Variants in PCNX1 observed in about 807,000 individuals in gnomAD.
PCNX1 encodes pecanex-like protein 1.
PCNX1 carries 78 observed loss-of-function variants against 242.2 expected under a neutral mutation model. The ratio of observed to expected loss-of-function variants is 0.32; its 90% CI spans 0.27 to 0.39. The LOEUF is 0.39. Ranked by LOEUF, PCNX1 falls within the 10% of genes least tolerant of loss-of-function variation. The pLI, the probability that PCNX1 is intolerant of heterozygous loss-of-function variation, is 1.00. For missense variants in PCNX1, 2,581 were observed against 2,856.5 expected (o/e 0.90, Z 2.20); for synonymous variants, 1,024 against 1,032.9 (o/e 0.99, Z 0.17).
chr14:71,016,564 AAATT>A (rs1454187747), intron 11 of PCNX1, among the ~76,000 whole-genome samples: 1 of 152,220 alleles, frequency 6.6e-6, no homozygotes, highest in Non-Finnish European at 1.5e-5. Flanking sequence ...ATTAAATGGT[AAATT>A]AATAACAAAT....
In PCNX1 at chr14:71,022,438, C is replaced by T. The variant is rs543283691; in HGVS notation, c.3151-762C>T. ...AACAGAAGCATTTAGAAGATAGGCG[C>T]TGTGGTTAAAAGAGTTTAAAGATTA... On this transcript the variant is annotated intron_variant, in intron 12 of 35. Transcript: ENST00000304743. Among the ~76,000 whole-genome samples the T allele has an allele frequency of 1.8e-4, 28 of 152,220 alleles. No homozygotes were observed. In the South Asian group the frequency reaches 5.4e-3, roughly 29 times the overall value.
chr14:71,037,492 G>A (rs1184733431), intron 19 of PCNX1, among the ~76,000 whole-genome samples: 1 of 150,570 alleles, frequency 6.6e-6, no homozygotes, highest in African/African-American at 2.5e-5. Context: ...AGAGATTTTA[G>A]CATGAAGGGT....
intron 16 of PCNX1, chr14:71,031,930 C>T (rs763059891): frequency 2.1e-5 from 30 of 1,423,514 alleles, no homozygotes; most frequent in Non-Finnish European, 2.9e-5. Context: ...GTACCACAGG[C>T]GGAACTCCCC....
chr14:71,060,811 T>C (rs2061308294), intron 26 of PCNX1: 2 of 152,230 alleles, frequency 1.3e-5, no homozygotes. Context: ...AAGCATATTA[T>C]ACCTCTCAGC....
At chr14:71,087,240 T>G (rs995760852) in intron 28 of PCNX1, among the ~76,000 whole-genome samples, 1 of 152,078 alleles carries the variant, frequency 6.6e-6, no homozygotes. Flanking sequence ...TGGACCCAAA[T>G]TTTTTTTCAA....
At chr14:71,097,334 A>G (rs2062318306) in intron 30 of PCNX1, among the ~76,000 whole-genome samples, 1 of 152,184 alleles carries the variant, frequency 6.6e-6, no homozygotes, top group Admixed American at 6.5e-5. Flanking sequence ...ATACCTAGTA[A>G]TGGGATTGGT....
intron 18 of PCNX1, among the ~76,000 whole-genome samples, chr14:71,034,491 G>A (rs2060475713): frequency 6.6e-6 from 1 of 152,192 alleles, no homozygotes; most frequent in South Asian, 2.1e-4. Context: ...ATTCTAGGCT[G>A]AAGGAGAGAA....
At chr14:71,046,697 T>G (rs918832139) in intron 20 of PCNX1, among the ~76,000 whole-genome samples, 4 of 152,072 alleles carry the variant, frequency 2.6e-5, no homozygotes, top group Non-Finnish European at 5.9e-5. Flanking sequence ...CAATAAGTTA[T>G]AAGCATAAAT....
At chr14:71,030,005 A>T (rs1051866473) in intron 16 of PCNX1, among the ~76,000 whole-genome samples, 1 of 152,206 alleles carries the variant, frequency 6.6e-6, no homozygotes. Context: ...TTTTGTGGAC[A>T]TGTGTATTCA....
At chr14:70,934,213 AATAGCTTGAACCTATTACTCCTGG>A (rs1336038927) in intron 1 of PCNX1, among the ~76,000 whole-genome samples, 1 of 152,200 alleles carries the variant, frequency 6.6e-6, no homozygotes, top group Non-Finnish European at 1.5e-5. Context: ...TGGCATCTTG[AATAGCTTGAACCTATTACTCCTGG>A]ATGAAATTGC....
intron 25 of PCNX1, among the ~76,000 whole-genome samples, chr14:71,056,307 T>C (rs754687653): frequency 6.6e-6 from 1 of 152,230 alleles, no homozygotes; most frequent in Non-Finnish European, 1.5e-5. Context: ...CTAATGACCA[T>C]CGTCATCATG....
chr14:71,089,156 T>C, intron 29 of PCNX1, 36 bp from the exon 30 acceptor site: 1 of 1,540,700 alleles, frequency 6.5e-7, no homozygotes, highest in Non-Finnish European at 8.9e-7. Flanking sequence ...AAGACCTTTG[T>C]CAAAACATGT....
chr14:71,109,189 T>C, intron 34 of PCNX1, 143 bp downstream of exon 34: 1 of 889,772 alleles, frequency 1.1e-6, no homozygotes, highest in Non-Finnish European at 1.7e-6. Context: ...GGGAAAAATT[T>C]CTTCAAACTT....
chr14:70,956,820 C>T (rs1314816323), intron 2 of PCNX1, among the ~76,000 whole-genome samples: 3 of 152,016 alleles, frequency 2.0e-5, no homozygotes, highest in Admixed American at 2.0e-4. Flanking sequence ...AGACGTTAGG[C>T]AAGTTTTTTT....
In PCNX1 at chr14:71,102,009, A is replaced by G; in HGVS notation, c.5609A>G (p.Asp1870Gly). 6.3e-7 allele frequency: 1 copy of G among 1,594,178 alleles called. No homozygotes were observed. Among genetic ancestry groups the G allele is most frequent in the Non-Finnish European group, 8.6e-7 (1 of 1,167,176 alleles). The change falls in exon 31 of 36, where the codon GAT (aspartate) becomes GGT (glycine). Residue 1870 changes from aspartate (D) to glycine (G), a missense_variant. Physicochemically the swap from Asp to Gly is moderately conservative, Grantham distance 94. Coordinates refer to ENST00000304743, the MANE Select transcript of PCNX1 (RefSeq NM_014982.3). ...ATTTAGGATCATTTTACTTCTCCAG[A>G]TGAATATGATGACCCTACTGTGCTC... ...KLHQDHFTSP[D>G]EYDDPTVLYE...
chr14:70,995,134 C>T (rs879935153), intron 7 of PCNX1, among the ~76,000 whole-genome samples: 2 of 152,126 alleles, frequency 1.3e-5, no homozygotes, highest in African/African-American at 4.8e-5. Context: ...TTAAGTCTAC[C>T]TCTGACTATA....
Position 71,007,369 on chromosome 14 carries a change from A to G in PCNX1, c.2630-2265A>G, listed in dbSNP as rs148827054. Among the ~76,000 whole-genome samples, 89 of 152,254 alleles carry G rather than the reference A, an allele frequency of 5.8e-4. 2 individuals are homozygous for G. The East Asian group carries it at 0.015, about 26-fold the overall frequency. On this transcript the variant is annotated intron_variant, in intron 8 of 35. Coordinates refer to ENST00000304743, the MANE Select transcript of PCNX1 (RefSeq NM_014982.3). Reference sequence around the variant, plus strand: ...CTTTAGTTGATTTTGTCACAGATACATATTATTTTTAATATACCAAGAACA... The same window carrying G: ...CTTTAGTTGATTTTGTCACAGATACGTATTATTTTTAATATACCAAGAACA...
chr14:71,078,798 T>C (rs2141500296), intron 28 of PCNX1: 1 of 152,352 alleles, frequency 6.6e-6, no homozygotes, highest in South Asian at 2.1e-4. Context: ...TCTTTATTAC[T>C]GGTTTTAAGC....
At position 70,966,306 on chromosome 14, in the gene PCNX1, C is replaced by A. The variant is rs148491696; in HGVS notation, c.469-1892C>A. On this transcript the variant is annotated intron_variant, in intron 3 of 35. Coordinates refer to ENST00000304743, the MANE Select transcript of PCNX1 (RefSeq NM_014982.3). ...GACTTAAAGAAATAGTTGTTTTTCA[C>A]CTAAATCTGGAGGTGATTGTGTGGC... 7.2e-5 allele frequency among the ~76,000 whole-genome samples: 11 copies of A among 152,226 alleles called. No homozygotes were observed. The East Asian group carries it at 2.1e-3, about 29-fold the overall frequency.
Sources: gnomAD v4.1 joint callset for allele counts (sites outside exome capture counted in the v4.1 genomes callset) on GRCh38, gnomAD v4.1.1 for gene constraint, MANE v1.5 for transcripts, NCBI Gene and HGNC (gene_info 2026-07-23, HGNC 2026-07-21) for gene names.